MROH2A: variants seen among roughly 807,000 people sequenced by gnomAD.
The protein encoded by MROH2A is maestro heat-like repeat-containing protein family member 2A.
A neutral mutation model predicts 200.4 loss-of-function variants in MROH2A; 174 were observed. That is an observed-to-expected ratio of 0.87 (90% CI 0.77 to 0.98). The LOEUF is 0.98. MROH2A is among the 50% of genes least tolerant of loss of function. MROH2A has a pLI of 0.00. For missense variants in MROH2A, 2,045 were observed against 2,139.6 expected (o/e 0.96, Z 0.87); for synonymous variants, 829 against 840.4 (o/e 0.99, Z 0.23).
chr2:233,783,902 A>C (rs1701068725), intron 3 of MROH2A, among the ~76,000 whole-genome samples: 1 of 149,976 alleles, frequency 6.7e-6, no homozygotes, highest in African/African-American at 2.4e-5. Context: ...GCATCCTTTC[A>C]TTTCTGATTT....
chr2:233,794,674 G>A (rs761181187), intron 8 of MROH2A, among the ~76,000 whole-genome samples, 168 bp downstream of exon 8: 2 of 152,206 alleles, frequency 1.3e-5, no homozygotes, highest in Non-Finnish European at 2.9e-5. Flanking sequence ...CCTGGCACCC[G>A]TGGGACTCAT....
chr2:233,816,325 GCT>G (rs1405269774), intron 26 of MROH2A, among the ~76,000 whole-genome samples: 2 of 152,008 alleles, frequency 1.3e-5, no homozygotes, highest in Admixed American at 1.3e-4. Flanking sequence ...TCTCCTTTTG[GCT>G]CTTTCATTTT....
intron 35 of MROH2A, among the ~76,000 whole-genome samples, chr2:233,825,233 G>A (rs1359036301): frequency 2.6e-5 from 4 of 152,138 alleles, no homozygotes; most frequent in African/African-American, 9.7e-5. Context: ...TGAGACAATG[G>A]GGTTTTCTAG....
At position 233,820,274 on chromosome 2, in the gene MROH2A, G is replaced by A. The variant is rs1325580972; in HGVS notation, c.3512+218G>A. On this transcript the variant is annotated intron_variant, in intron 31 of 41. Coordinates refer to ENST00000389758, the MANE Select transcript of MROH2A (RefSeq NM_001394639.1). The surrounding 1 kb of genome is among the most constrained non-coding windows in gnomAD (Gnocchi z 4.1). ...TGTAGAACTTCGCCACATGGAGCTG[G>A]AATCTGGACCCGTAGCTCCCCACAT... Among the ~76,000 whole-genome samples the A allele has an allele frequency of 6.6e-6, 1 of 152,186 alleles. No individual in the cohort carries two copies. Among genetic ancestry groups the A allele is most frequent in the Non-Finnish European group, 1.5e-5 (1 of 68,020 alleles).
intron 16 of MROH2A, 103 bp from the exon 17 acceptor site, chr2:233,803,948 C>A (rs1702634108): frequency 7.1e-7 from 1 of 1,414,950 alleles, no homozygotes; most frequent in African/African-American, 1.4e-5. Flanking sequence ...TTGAAAACCA[C>A]CGATCTTGTC....
intron 41 of MROH2A, 110 bp downstream of exon 41, chr2:233,832,754 T>TG: frequency 3.0e-5 from 13 of 435,772 alleles, no homozygotes; most frequent in Middle Eastern, 4.8e-4. Context: ...CTGTGGGGTT[T>TG]CGGGGGGGTG....
intron 14 of MROH2A, 132 bp downstream of exon 14, chr2:233,800,447 C>T: frequency 1.6e-6 from 1 of 618,020 alleles, no homozygotes; most frequent in East Asian, 2.9e-5. Flanking sequence ...CTTCCTCTTC[C>T]AGTTGCCTGG....
At chr2:233,814,499 C>A in intron 25 of MROH2A, 83 bp from the exon 26 acceptor site, 1 of 940,324 alleles carries the variant, frequency 1.1e-6, no homozygotes, top group South Asian at 1.5e-5. Context: ...TGCCAGACCC[C>A]TCCCTGGCAT....
chr2:233,779,733 A>C lies in MROH2A; in HGVS notation c.157A>C (p.Thr53Pro), dbSNP rs1432041339. The part of the protein sequence containing the change: ...IIDSESAKTD[T>P]TGAGLDMRKT... ...TGACAGCGAGTCAGCAAAGACGGAC[A>C]CAACAGGGGCAGGCCTTGACATGCG... The change falls in exon 3 of 42, where the codon ACA becomes CCA. Residue 53 changes from threonine to proline, a missense_variant. Physicochemically the swap from Thr to Pro is conservative, Grantham distance 38. This residue lies in a region of MROH2A where 831 missense variants were observed against 800.0 expected (regional missense o/e 1.04). Coordinates refer to ENST00000389758, the MANE Select transcript of MROH2A (RefSeq NM_001394639.1). 1.3e-6 allele frequency: 2 copies of C among 1,551,192 alleles called. No individual in the cohort carries two copies. The highest frequency in any genetic ancestry group is 2.0e-5 in the Admixed American group (1 of 51,018).
At position 233,832,639 on chromosome 2, in the gene MROH2A, G is replaced by A. The variant is rs759635252; in HGVS notation, c.4898G>A (p.Arg1633Gln). 274 of 1,547,128 alleles carry A rather than the reference G, an allele frequency of 1.8e-4. No individual in the cohort carries two copies. Among genetic ancestry groups the A allele is most frequent in the East Asian group, 3.7e-4 (15 of 40,918 alleles). ...AAAAAGCTGGACTTCCCAGCATTAC[G>A]GAATTGTGAGTAGTGGAGAGTGTTA... ...YLKKLDFPAL[R>Q]NSLQELQLDP... is the part of the protein sequence containing the mutation. Residue 1633 changes from arginine to glutamine, a missense_variant, in exon 41 of 42, where the codon CGG becomes CAG. By Grantham distance (43) the Arg-to-Gln change is conservative. This residue lies in a region of MROH2A where 1,201 missense variants were observed against 1,311.3 expected (regional missense o/e 0.92). Transcript: ENST00000389758.
intron 5 of MROH2A, among the ~76,000 whole-genome samples, chr2:233,791,652 G>A (rs1247475926): frequency 6.6e-6 from 1 of 152,144 alleles, no homozygotes; most frequent in Non-Finnish European, 1.5e-5. Flanking sequence ...GCCCGGAGGG[G>A]TCCTGGCATT....
At chr2:233,779,649 T>G in intron 2 of MROH2A, 22 bp from the exon 3 acceptor site, 1 of 1,549,788 alleles carries the variant, frequency 6.5e-7, no homozygotes, top group Non-Finnish European at 8.7e-7. Context: ...ACACTGCACC[T>G]GGGTGGCGTT....
intron 38 of MROH2A, among the ~76,000 whole-genome samples, chr2:233,830,353 C>T (rs1426416127): frequency 6.6e-6 from 1 of 152,208 alleles, no homozygotes; most frequent in Non-Finnish European, 1.5e-5. Context: ...CTTGACCGCC[C>T]TCTTCTCTCC....
At position 233,807,969 on chromosome 2, in the gene MROH2A, C is replaced by T. The variant is rs1405053428; in HGVS notation, c.2295+114C>T. On this transcript the variant is annotated intron_variant, in intron 21 of 41. Coordinates refer to ENST00000389758, the MANE Select transcript of MROH2A (RefSeq NM_001394639.1). This position sits in a 1 kb window ranked among gnomAD's most constrained non-coding sequence, Gnocchi z 4.3. ...AGGAAACTTGCCTCACACGGAGTCT[C>T]CTGTCATCAAAATGGCTGAGACATT... is the stretch of plus-strand genomic sequence containing the variant. The T allele has an allele frequency of 1.5e-6, 2 of 1,329,130 alleles. No individual in the cohort carries two copies. Among genetic ancestry groups the T allele is most frequent in the East Asian group, 5.0e-5 (2 of 39,636 alleles). The allele number at this position is 1,329,130 out of a possible 1,614,324, so 82.3% of individuals were successfully genotyped here.
In MROH2A at chr2:233,828,985, G is replaced by A. The variant is rs1305868736; in HGVS notation, c.4359G>A (p.Leu1453=). 2 of 1,550,540 alleles carry A rather than the reference G, an allele frequency of 1.3e-6. No homozygotes were observed. The change falls in exon 37 of 42, where the codon CTG becomes CTA. Residue 1453 remains leucine (L), a synonymous_variant. Transcript: ENST00000389758. The surrounding 1 kb of genome is among the most constrained non-coding windows in gnomAD (Gnocchi z 4.6). ...TGACTGCCGAGGGCATGGAGGCCCTGACCAAGATCCTGGCTGAGCTCCGGG... is the reference window on the plus strand; with the variant it reads ...TGACTGCCGAGGGCATGGAGGCCCTAACCAAGATCCTGGCTGAGCTCCGGG... ...NSVTAEGMEA[L]TKILAELREG... is the part of the protein sequence containing the mutation.
Position 233,811,970 on chromosome 2 carries a change from T to C in MROH2A, c.2651+11T>C, listed in dbSNP as rs1467956104. On this transcript the variant is annotated intron_variant, in intron 24 of 41. Coordinates refer to ENST00000389758, the MANE Select transcript of MROH2A (RefSeq NM_001394639.1). ...CCTCTCGCACCTGAGGTGAGCTGGG[T>C]TCCCACCCTCACCCCATCCCAAGGG... 2 of 1,538,624 alleles carry C rather than the reference T, an allele frequency of 1.3e-6. No homozygotes were observed. Among genetic ancestry groups the C allele is most frequent in the South Asian group, 2.4e-5 (2 of 83,858 alleles).
chr2:233,820,093 G>A lies in MROH2A; in HGVS notation c.3512+37G>A. On this transcript the variant is annotated intron_variant, in intron 31 of 41. Coordinates refer to ENST00000389758, the MANE Select transcript of MROH2A (RefSeq NM_001394639.1). The surrounding 1 kb of genome is among the most constrained non-coding windows in gnomAD (Gnocchi z 4.1). ...GGAGGAGGTGGCCCCGGCCTCCTGTGCCATTTGACCATGCCCAACTCACCA... is the reference window on the plus strand; with the variant it reads ...GGAGGAGGTGGCCCCGGCCTCCTGTACCATTTGACCATGCCCAACTCACCA... The A allele has an allele frequency of 6.8e-7, 1 of 1,476,300 alleles. No homozygotes were observed. The highest frequency in any genetic ancestry group is 1.4e-5 in the South Asian group (1 of 73,746). The allele number at this position is 1,476,300 out of a possible 1,614,324, so 91.5% of individuals were successfully genotyped here.
intron 34 of MROH2A, 33 bp downstream of exon 34, chr2:233,823,051 A>G (rs1576007321): frequency 6.5e-7 from 1 of 1,547,134 alleles, no homozygotes; most frequent in Non-Finnish European, 8.7e-7. Context: ...TGGCAGGGGG[A>G]CCTGCAGAGG....
chr2:233,830,952 A>G (rs563672389), intron 38 of MROH2A, among the ~76,000 whole-genome samples: 24 of 152,094 alleles, frequency 1.6e-4, no homozygotes, highest in Non-Finnish European at 3.1e-4. Context: ...GGTGACCGAG[A>G]GTGAGGAAAG....
Sources: gnomAD v4.1 joint callset for allele counts (sites outside exome capture counted in the v4.1 genomes callset) on GRCh38, gnomAD v4.1.1 for gene constraint, gnomAD v4.1.1 regional missense constraint, Gnocchi (gnomAD v3.1) non-coding constraint, MANE v1.5 for transcripts, NCBI Gene and HGNC (gene_info 2026-07-23, HGNC 2026-07-21) for gene names.